Variants in CDH18 observed in about 807,000 individuals in gnomAD.
CDH18 encodes the protein cadherin-18.
CDH18 carries 31 observed loss-of-function variants against 67.9 expected under a neutral mutation model. That is an observed-to-expected ratio of 0.46 (90% CI 0.34 to 0.62). The LOEUF (loss-of-function observed/expected upper bound fraction) is 0.62. Ranked by LOEUF, CDH18 falls within the 20% of genes least tolerant of loss-of-function variation. CDH18 has a pLI of 0.01. For synonymous variants in CDH18, 362 were observed against 347.2 expected, an observed-to-expected ratio of 1.04 and a Z score of -0.48; for missense variants, 890 against 975.5, an observed-to-expected ratio of 0.91 and a Z score of 1.17.
intron 1 of CDH18, among the ~76,000 whole-genome samples, chr5:20,565,755 A>AC (rs1370881271): frequency 5.1e-5 from 4 of 78,326 alleles, no homozygotes; most frequent in African/African-American, 2.2e-4. Flanking sequence ...GTACGTTATG[A>AC]TAAAAAAAAA....
chr5:19,624,254 G>A lies in CDH18; in HGVS notation c.644-11653C>T, dbSNP rs182503986. On this transcript the variant is annotated intron_variant, in intron 5 of 12. Coordinates refer to ENST00000382275, the MANE Select transcript of CDH18 (RefSeq NM_004934.5). The stretch of plus-strand genomic sequence containing the variant: ...ACTCCTGATCTCAGGTGATCTGCCT[G>A]CCTCAGCCTCCCAAAGTGCTGGGAT... 1.9e-3 allele frequency among the ~76,000 whole-genome samples: 287 copies of A among 151,950 alleles called. 1 individual carries two copies. Among genetic ancestry groups the A allele is most frequent in the African/African-American group, 6.6e-3 (274 of 41,474 alleles).
At chr5:19,976,438 C>T (rs1475466215) in intron 2 of CDH18, among the ~76,000 whole-genome samples, 2 of 152,092 alleles carry the variant, frequency 1.3e-5, no homozygotes, top group East Asian at 3.9e-4. Flanking sequence ...CAGTAGTAAA[C>T]TAATGGTTAT....
chr5:20,334,726 A>G (rs1389816212), intron 1 of CDH18, among the ~76,000 whole-genome samples: 1 of 146,318 alleles, frequency 6.8e-6, no homozygotes, highest in Admixed American at 6.9e-5. Flanking sequence ...TATGAGTGCT[A>G]TGATCTCTCT....
chr5:19,520,543 C>T, intron 10 of CDH18, 114 bp downstream of exon 10: 4 of 834,224 alleles, frequency 4.8e-6, no homozygotes, highest in East Asian at 3.2e-5. Flanking sequence ...AAATTATTTC[C>T]ACTGAGTACA....
intron 1 of CDH18, among the ~76,000 whole-genome samples, chr5:20,325,048 G>A (rs1738425383): frequency 1.3e-5 from 2 of 152,126 alleles, no homozygotes; most frequent in South Asian, 4.2e-4. Context: ...CTATCATTTG[G>A]GAATGATAAT....
intron 2 of CDH18, among the ~76,000 whole-genome samples, chr5:20,134,721 T>A (rs932120260): frequency 6.6e-6 from 1 of 152,126 alleles, no homozygotes; most frequent in Non-Finnish European, 1.5e-5. Flanking sequence ...GTGTTTTGTT[T>A]TGTTTTGGTT....
intron 9 of CDH18, among the ~76,000 whole-genome samples, chr5:19,534,231 A>G (rs950317983): frequency 1.3e-5 from 2 of 152,106 alleles, no homozygotes; most frequent in African/African-American, 4.8e-5. Context: ...ACAATAATTC[A>G]TCCACTTATG....
chr5:19,972,330 G>C (rs2150339228), intron 2 of CDH18, among the ~76,000 whole-genome samples: 1 of 152,016 alleles, frequency 6.6e-6, no homozygotes, highest in East Asian at 1.9e-4. Flanking sequence ...AGTAAATCAA[G>C]AAAATGTTCA....
chr5:19,689,363 G>C (rs1761540748), intron 5 of CDH18, among the ~76,000 whole-genome samples: 1 of 151,810 alleles, frequency 6.6e-6, no homozygotes, highest in Non-Finnish European at 1.5e-5. Flanking sequence ...GAGAGTATAG[G>C]ATGATATATT....
chr5:20,176,163 G>A (rs1229091167), intron 2 of CDH18, among the ~76,000 whole-genome samples: 1 of 152,096 alleles, frequency 6.6e-6, no homozygotes, highest in Non-Finnish European at 1.5e-5. Context: ...AGTTTTACAT[G>A]CATGCTCAAA....
At chr5:20,370,074 T>C (rs1742851580) in intron 1 of CDH18, among the ~76,000 whole-genome samples, 1 of 152,124 alleles carries the variant, frequency 6.6e-6, no homozygotes, top group African/African-American at 2.4e-5. Flanking sequence ...GGCTTCAAAG[T>C]TTCCTTTAGT....
chr5:20,035,546 G>A (rs1176861043), intron 2 of CDH18, among the ~76,000 whole-genome samples: 1 of 151,930 alleles, frequency 6.6e-6, no homozygotes, highest in African/African-American at 2.4e-5. Context: ...GTGAGAGAGT[G>A]AAAAGTCCAG....
At chr5:20,025,580 A>T (rs1256228001) in intron 2 of CDH18, among the ~76,000 whole-genome samples, 1 of 152,226 alleles carries the variant, frequency 6.6e-6, no homozygotes, top group Non-Finnish European at 1.5e-5. Flanking sequence ...TAATTAGCAG[A>T]GACAAATCAA....
At chr5:20,318,611 C>T (rs1012335959) in intron 1 of CDH18, among the ~76,000 whole-genome samples, 1 of 151,988 alleles carries the variant, frequency 6.6e-6, no homozygotes, top group Non-Finnish European at 1.5e-5. Context: ...CCTCCTGCTC[C>T]CATTATGTAA....
intron 1 of CDH18, among the ~76,000 whole-genome samples, chr5:20,356,749 C>CTATATATATATATATA (rs1287623869): frequency 2.3e-5 from 3 of 129,160 alleles, no homozygotes; most frequent in African/African-American, 9.6e-5. Context: ...CTCTCTCTCT[C>CTATATATATATATATA]TCTCTATATA....
intron 4 of CDH18, among the ~76,000 whole-genome samples, chr5:19,728,567 C>T (rs539273536): frequency 6.6e-6 from 1 of 152,030 alleles, no homozygotes; most frequent in East Asian, 1.9e-4. Flanking sequence ...ATAAACAGCA[C>T]GTATTTTGCA....
At chr5:19,742,407 T>TACACAC (rs5866397) in intron 4 of CDH18, among the ~76,000 whole-genome samples, 3 of 149,592 alleles carry the variant, frequency 2.0e-5, no homozygotes, top group Admixed American at 1.3e-4. Flanking sequence ...CACGCATGGG[T>TACACAC]ACACACACAC....
At chr5:20,389,119 G>C (rs1051063968) in intron 1 of CDH18, among the ~76,000 whole-genome samples, 1 of 152,030 alleles carries the variant, frequency 6.6e-6, no homozygotes, top group Non-Finnish European at 1.5e-5. Context: ...TTAACTTTCT[G>C]TCTCATGGAT....
chr5:19,703,725 C>A (rs190003393), intron 5 of CDH18, among the ~76,000 whole-genome samples: 1 of 151,722 alleles, frequency 6.6e-6, no homozygotes, highest in African/African-American at 2.4e-5. Flanking sequence ...CCCCCTGCCC[C>A]CCCTGCCCCC....
Sources: allele counts gnomAD v4.1 joint callset (sites outside exome capture counted in the v4.1 genomes callset), GRCh38; gene constraint gnomAD v4.1.1; transcripts MANE v1.5; gene names NCBI Gene and HGNC (gene_info 2026-07-23, HGNC 2026-07-21).